The following SGCZ variants were observed in gnomAD, a reference collection of about 807,000 sequenced individuals.
The protein encoded by SGCZ is zeta-sarcoglycan.
Under a neutral mutation model 41.3 loss-of-function variants are expected in SGCZ, and 40 were observed. The ratio of observed to expected loss-of-function variants is 0.97; its 90% CI spans 0.75 to 1.26. The LOEUF (loss-of-function observed/expected upper bound fraction) is 1.26. Among genes scored for constraint, SGCZ ranks in the 50% most tolerant of loss-of-function variants. The probability of loss-of-function intolerance (pLI) is 0.00; values close to 1 mark genes in which losing one functional copy is unlikely to be tolerated. For missense variants in SGCZ, 552 were observed against 369.8 expected (o/e 1.49, Z -4.04); for synonymous variants, 206 against 137.5 (o/e 1.50, Z -3.49).
At chr8:15,189,434 T>C (rs1563174011) in intron 1 of SGCZ, among the ~76,000 whole-genome samples, 1 of 152,194 alleles carries the variant, frequency 6.6e-6, no homozygotes, top group Non-Finnish European at 1.5e-5. Flanking sequence ...AAAGAAAGCT[T>C]TCCCTCCAAA....
intron 2 of SGCZ, among the ~76,000 whole-genome samples, chr8:14,491,678 G>A (rs967094304): frequency 4.6e-5 from 7 of 152,018 alleles, no homozygotes; most frequent in Admixed American, 1.3e-4. Context: ...AACATCTTAC[G>A]GAAAAGAAGA....
At chr8:14,149,049 G>A (rs940328391) in intron 5 of SGCZ, among the ~76,000 whole-genome samples, 8 of 151,970 alleles carry the variant, frequency 5.3e-5, no homozygotes, top group African/African-American at 1.9e-4. Context: ...CATAACAAAA[G>A]TTCTATATAA....
rs112390359 is a variant in SGCZ, at chr8:14,653,263, A to G, written c.40-98337T>C. Among the ~76,000 whole-genome samples, 869 of 152,212 alleles carry G rather than the reference A, an allele frequency of 5.7e-3. 8 individuals are homozygous for G. Among genetic ancestry groups the G allele is most frequent in the African/African-American group, 0.02 (816 of 41,504 alleles). ...TGTGTCAATTCTGGTTTGAGGCAGT[A>G]ACAAGCCAATCTGTTTCATCAGCAA... On this transcript the variant is annotated intron_variant, in intron 1 of 7. Transcript: ENST00000382080.
At chr8:14,672,733 C>T (rs1808145178) in intron 1 of SGCZ, among the ~76,000 whole-genome samples, 1 of 152,140 alleles carries the variant, frequency 6.6e-6, no homozygotes. Flanking sequence ...TCACCTCAGG[C>T]CTCCAGAACT....
chr8:14,502,400 C>A (rs529217718), intron 2 of SGCZ, among the ~76,000 whole-genome samples: 1 of 151,998 alleles, frequency 6.6e-6, no homozygotes, highest in South Asian at 2.1e-4. Context: ...GTAAAGAATT[C>A]TTCATCTCAT....
intron 1 of SGCZ, among the ~76,000 whole-genome samples, chr8:14,942,795 A>G (rs1252974623): frequency 6.6e-6 from 1 of 152,078 alleles, no homozygotes; most frequent in Non-Finnish European, 1.5e-5. Context: ...TTTGATATCT[A>G]TATACTGATT....
At chr8:14,217,158 T>C (rs1416269473) in intron 4 of SGCZ, among the ~76,000 whole-genome samples, 2 of 151,892 alleles carry the variant, frequency 1.3e-5, no homozygotes, top group African/African-American at 2.4e-5. Flanking sequence ...TTAGCCGGCA[T>C]GGTGGCAGGC....
chr8:14,180,629 G>C (rs894367930), intron 4 of SGCZ, among the ~76,000 whole-genome samples: 2 of 152,032 alleles, frequency 1.3e-5, no homozygotes, highest in African/African-American at 4.8e-5. Flanking sequence ...CCTGGACTAA[G>C]AATCTCCCTA....
chr8:14,953,673 T>G (rs1390429330), intron 1 of SGCZ, among the ~76,000 whole-genome samples: 3 of 152,162 alleles, frequency 2.0e-5, no homozygotes, highest in Non-Finnish European at 4.4e-5. Flanking sequence ...TTAAGTCACT[T>G]TACTATACTG....
rs146068705 is a variant in SGCZ, at chr8:14,550,019, T to C, written c.234+4713A>G. Among the ~76,000 whole-genome samples, 1,103 of 152,166 alleles carry C rather than the reference T, an allele frequency of 7.2e-3. 16 individuals carry two copies. The highest frequency in any genetic ancestry group is 0.025 in the African/African-American group (1,037 of 41,546). ...AGGTGGCATTAAAGGTTAAGATTCC[T>C]AGACTTCCTTCTAGACGCTAGAACC... On this transcript the variant is annotated intron_variant, in intron 2 of 7. Coordinates refer to ENST00000382080, the MANE Select transcript of SGCZ (RefSeq NM_139167.4).
At chr8:14,971,085 T>C (rs1261710422) in intron 1 of SGCZ, among the ~76,000 whole-genome samples, 1 of 152,224 alleles carries the variant, frequency 6.6e-6, no homozygotes, top group East Asian at 1.9e-4. Flanking sequence ...GTTGCTAGTT[T>C]ATGAAAATAC....
At chr8:14,316,110 C>T (rs575715465) in intron 3 of SGCZ, among the ~76,000 whole-genome samples, 2 of 151,802 alleles carry the variant, frequency 1.3e-5, no homozygotes, top group South Asian at 4.2e-4. Context: ...TTAAATCATA[C>T]CTTTAAGAAC....
At chr8:14,619,511 G>C (rs1029753951) in intron 1 of SGCZ, among the ~76,000 whole-genome samples, 1 of 152,178 alleles carries the variant, frequency 6.6e-6, no homozygotes, top group Non-Finnish European at 1.5e-5. Context: ...GTCCCTGTCT[G>C]CAGATGACAT....
intron 2 of SGCZ, among the ~76,000 whole-genome samples, chr8:14,388,312 G>T (rs1276897212): frequency 6.6e-6 from 1 of 152,050 alleles, no homozygotes; most frequent in Non-Finnish European, 1.5e-5. Flanking sequence ...TATAGGTGCT[G>T]AGGCCTAGGA....
intron 5 of SGCZ, among the ~76,000 whole-genome samples, chr8:14,161,141 G>A (rs1682837180): frequency 6.6e-6 from 1 of 152,144 alleles, no homozygotes; most frequent in African/African-American, 2.4e-5. Context: ...ACTGTTATTT[G>A]TCAAATGATT....
At chr8:14,584,210 G>A (rs543907862) in intron 1 of SGCZ, among the ~76,000 whole-genome samples, 3 of 152,134 alleles carry the variant, frequency 2.0e-5, no homozygotes, top group South Asian at 4.1e-4. Context: ...AATTAGATAC[G>A]GCATTGAAAG....
intron 2 of SGCZ, among the ~76,000 whole-genome samples, chr8:14,549,529 G>A (rs1266057040): frequency 6.6e-6 from 1 of 152,042 alleles, no homozygotes; most frequent in Non-Finnish European, 1.5e-5. Flanking sequence ...CTTAAAAAAA[G>A]TCAGCGAAAA....
intron 1 of SGCZ, among the ~76,000 whole-genome samples, chr8:14,819,071 C>T (rs1416648692): frequency 6.6e-6 from 1 of 151,190 alleles, no homozygotes; most frequent in Non-Finnish European, 1.5e-5. Context: ...ATAGATTCAA[C>T]CCAAAAGAAC....
At position 14,310,645 on chromosome 8, in the gene SGCZ, T is replaced by C. The variant is rs555085533; in HGVS notation, c.336+13458A>G. ...CAGTCCCATTCATATTAAGACACTATACAAAACTGTAAATAAAATGTGTAC... is the reference window on the plus strand; with the variant it reads ...CAGTCCCATTCATATTAAGACACTACACAAAACTGTAAATAAAATGTGTAC... On this transcript the variant is annotated intron_variant, in intron 3 of 7. Coordinates refer to ENST00000382080, the MANE Select transcript of SGCZ (RefSeq NM_139167.4). Among the ~76,000 whole-genome samples the C allele has an allele frequency of 2.6e-5, 4 of 152,250 alleles. No individual in the cohort carries two copies. The East Asian group carries it at 5.8e-4, about 22-fold the overall frequency.
Sources: allele counts gnomAD v4.1 joint callset (sites outside exome capture counted in the v4.1 genomes callset), GRCh38; gene constraint gnomAD v4.1.1; transcripts MANE v1.5; gene names NCBI Gene and HGNC (gene_info 2026-07-23, HGNC 2026-07-21).